The following KCMF1 variants were observed in gnomAD, a reference collection of about 807,000 sequenced individuals.
KCMF1 encodes E3 ubiquitin-protein ligase KCMF1.
KCMF1 carries 3 observed loss-of-function variants against 41.1 expected under a neutral mutation model. The observed-to-expected ratio is 0.07, with a 90% CI of 0.03 to 0.19. The LOEUF is 0.19. KCMF1 is among the 10% of genes least tolerant of loss of function. The pLI, the probability that KCMF1 is intolerant of heterozygous loss-of-function variation, is 1.00. For missense variants in KCMF1, 286 were observed against 488.9 expected, an observed-to-expected ratio of 0.58 and a Z score of 3.91; for synonymous variants, 142 against 164.5, an observed-to-expected ratio of 0.86 and a Z score of 1.04.
intron 1 of KCMF1, among the ~76,000 whole-genome samples, chr2:84,979,804 C>A (rs1046641152): frequency 6.6e-6 from 1 of 151,778 alleles, no homozygotes; most frequent in Non-Finnish European, 1.5e-5. Flanking sequence ...GTATACAGAT[C>A]AGAGCATCTT....
intron 6 of KCMF1, 142 bp downstream of exon 6, chr2:85,049,790 G>A (rs761401921): frequency 1.1e-4 from 74 of 679,300 alleles, no homozygotes; most frequent in Admixed American, 9.9e-4. Context: ...TGATTAAAAC[G>A]CATATTCAGT....
rs1483343282 is a variant in KCMF1, at chr2:85,024,605, TGC to T, written c.17-3280_17-3279del. Among the ~76,000 whole-genome samples the T allele has an allele frequency of 2.1e-3, 304 of 147,906 alleles. 2 individuals carry two copies. The highest frequency in any genetic ancestry group is 3.3e-3 in the Admixed American group (49 of 14,766). On this transcript the variant is annotated intron_variant, in intron 1 of 6. Transcript: ENST00000409785. ...GAGAGTGTGTGTGTGTGTGTGTGTG[TGC>T]GCGTGTGTGTGTGAGAAAGAGAAAG...
chr2:85,003,299 C>T (rs1399572476), intron 1 of KCMF1, among the ~76,000 whole-genome samples: 2 of 152,006 alleles, frequency 1.3e-5, no homozygotes, highest in Non-Finnish European at 2.9e-5. Flanking sequence ...CGGTGAAACC[C>T]CGTCTCTACT....
intron 6 of KCMF1, among the ~76,000 whole-genome samples, chr2:85,050,832 T>C (rs1675791105): frequency 6.6e-6 from 1 of 152,252 alleles, no homozygotes; most frequent in Admixed American, 6.5e-5. Context: ...CAGTGGTGCA[T>C]GTGTATAGTT....
chr2:85,021,217 G>A lies in KCMF1; in HGVS notation c.17-6672G>A, dbSNP rs148732886. 3.4e-3 allele frequency among the ~76,000 whole-genome samples: 512 copies of A among 152,190 alleles called. 2 individuals are homozygous for A. The highest frequency in any genetic ancestry group is 5.4e-3 in the Non-Finnish European group (368 of 68,008). On this transcript the variant is annotated intron_variant, in intron 1 of 6. Transcript: ENST00000409785. ...ATCATTTGGTTGTCTTAAGTTGATC[G>A]GGGAGTCTCACTGCAGCTTTTGAGA...
intron 1 of KCMF1, among the ~76,000 whole-genome samples, chr2:84,977,389 T>C (rs1008949765): frequency 1.3e-5 from 2 of 152,226 alleles, no homozygotes; most frequent in Non-Finnish European, 2.9e-5. Flanking sequence ...TATTGTACTT[T>C]AACTGTAATC....
chr2:85,039,402 G>A (rs760124715), intron 3 of KCMF1, among the ~76,000 whole-genome samples: 1 of 152,056 alleles, frequency 6.6e-6, no homozygotes, highest in Non-Finnish European at 1.5e-5. Context: ...GTTGATAATT[G>A]TATGGGGAAA....
intron 1 of KCMF1, among the ~76,000 whole-genome samples, chr2:84,974,689 ATATTTTTTTTTTTT>A (rs1347903398): frequency 7.1e-5 from 2 of 28,302 alleles, no homozygotes; most frequent in African/African-American, 3.4e-4. Context: ...ATATATATAT[ATATTTTTTTTTTTT>A]TTTTTTTTTT....
At chr2:85,022,258 G>A (rs1674964637) in intron 1 of KCMF1, among the ~76,000 whole-genome samples, 1 of 152,054 alleles carries the variant, frequency 6.6e-6, no homozygotes, top group South Asian at 2.1e-4. Flanking sequence ...GATTGCTTGA[G>A]TCCAGGAGTT....
At chr2:85,047,194 A>G (rs566610494) in intron 5 of KCMF1, among the ~76,000 whole-genome samples, 2 of 152,306 alleles carry the variant, frequency 1.3e-5, no homozygotes, top group East Asian at 1.9e-4. Flanking sequence ...TGTGGCCTCT[A>G]TTGAAGCCCA....
Position 84,971,481 on chromosome 2 carries a change from C to A in KCMF1, c.16+14C>A. On this transcript the variant is annotated intron_variant, in intron 1 of 6. Coordinates refer to ENST00000409785, the MANE Select transcript of KCMF1 (RefSeq NM_020122.5). ...CCCGACATGAAGGTGAGAGGAGCCC[C>A]CGCCCCCACCCGCACCTCCCGGGCC... 1 of 1,250,836 alleles carries A rather than the reference C, an allele frequency of 8.0e-7. No homozygotes were observed. Among genetic ancestry groups the A allele is most frequent in the Non-Finnish European group, 1.0e-6 (1 of 975,332 alleles). 77.5% of individuals were successfully genotyped at this position (1,250,836 alleles called of 1,614,324 possible).
chr2:85,006,221 C>T (rs923266821), intron 1 of KCMF1, among the ~76,000 whole-genome samples: 3 of 151,658 alleles, frequency 2.0e-5, no homozygotes, highest in Non-Finnish European at 4.4e-5. Context: ...CAGTGTGCTC[C>T]ACCCTCCCCT....
At chr2:85,039,139 G>A (rs893016651) in intron 3 of KCMF1, among the ~76,000 whole-genome samples, 22 of 152,122 alleles carry the variant, frequency 1.4e-4, no homozygotes, top group African/African-American at 4.8e-4. Flanking sequence ...TTCTGATTTG[G>A]TACTCAGTAA....
At chr2:85,008,945 G>A (rs949080097) in intron 1 of KCMF1, among the ~76,000 whole-genome samples, 4 of 151,966 alleles carry the variant, frequency 2.6e-5, no homozygotes, top group Non-Finnish European at 5.9e-5. Flanking sequence ...GCCCTGGTTG[G>A]TCTCAAACTC....
Position 85,057,577 on chromosome 2 carries a change from CTG to C in KCMF1, c.*4170_*4171del, listed in dbSNP as rs1291975450. The C allele has an allele frequency of 1.3e-5, 2 of 152,218 alleles. No homozygotes were observed. The highest frequency in any genetic ancestry group is 1.5e-5 in the Non-Finnish European group (1 of 68,038). The allele number at this position is 152,218 out of a possible 1,614,324, so 9.4% of individuals were successfully genotyped here. ...GTATTCCAAAGCCAAATTCAAGTGA[CTG>C]TTTTTCTGAATAGTATAAAAATCTA... On this transcript the variant is annotated 3_prime_UTR_variant, in exon 7 of 7. Coordinates refer to ENST00000409785, the MANE Select transcript of KCMF1 (RefSeq NM_020122.5).
chr2:85,007,050 G>A (rs933731411), intron 1 of KCMF1, among the ~76,000 whole-genome samples: 4 of 142,380 alleles, frequency 2.8e-5, no homozygotes, highest in African/African-American at 7.9e-5. Context: ...GCAGTGAGTC[G>A]AGATCGCACC....
At chr2:85,041,761 CTTTTTTTTTTTTT>C (rs76025789) in intron 3 of KCMF1, among the ~76,000 whole-genome samples, 1 of 91,958 alleles carries the variant, frequency 1.1e-5, no homozygotes, top group Non-Finnish European at 2.3e-5. Context: ...CATTGCTGGT[CTTTTTTTTTTTTT>C]TTTTTTTTTA....
At chr2:85,029,204 T>C (rs1206537877) in intron 2 of KCMF1, among the ~76,000 whole-genome samples, 1 of 151,998 alleles carries the variant, frequency 6.6e-6, no homozygotes, top group Non-Finnish European at 1.5e-5. Flanking sequence ...CCTCAAGTTA[T>C]CCACCTGCCT....
intron 5 of KCMF1, among the ~76,000 whole-genome samples, chr2:85,047,226 AC>A (rs1240142971): frequency 6.6e-6 from 1 of 152,234 alleles, no homozygotes; most frequent in Admixed American, 6.5e-5. Context: ...AAAGATTTCA[AC>A]TTGAATACCT....
Sources: gnomAD v4.1 joint callset for allele counts (sites outside exome capture counted in the v4.1 genomes callset) on GRCh38, gnomAD v4.1.1 for gene constraint, MANE v1.5 for transcripts, NCBI Gene and HGNC (gene_info 2026-07-23, HGNC 2026-07-21) for gene names.